CYP4V2: variants seen among roughly 807,000 people sequenced by gnomAD.
CYP4V2 encodes the protein cytochrome P450 family 4 subfamily V member 2, also known as cytochrome P450 4V2.
Under a neutral mutation model 60.8 loss-of-function variants are expected in CYP4V2, and 55 were observed. The ratio of observed to expected loss-of-function variants is 0.90; its 90% CI spans 0.73 to 1.13. The LOEUF (loss-of-function observed/expected upper bound fraction) is 1.13, where lower values mean the gene tolerates loss of function less well. CYP4V2 is among the 50% of genes most tolerant of loss of function. The probability of loss-of-function intolerance (pLI) is 0.00; values close to 1 mark genes in which losing one functional copy is unlikely to be tolerated. For missense variants in CYP4V2, 675 were observed against 662.9 expected (o/e 1.02, Z -0.20); for synonymous variants, 239 against 236.8 (o/e 1.01, Z -0.08).
intron 8 of CYP4V2, 137 bp downstream of exon 8, chr4:186,205,439 T>A: frequency 2.3e-6 from 2 of 882,086 alleles, no homozygotes; most frequent in Admixed American, 3.8e-5. Flanking sequence ...TTGCAAGGCC[T>A]CGTCCATTCA....
intron 7 of CYP4V2, 115 bp downstream of exon 7, chr4:186,201,457 C>A: frequency 3.3e-6 from 4 of 1,196,102 alleles, no homozygotes; most frequent in Non-Finnish European, 4.6e-6. Flanking sequence ...AAAGAAGATT[C>A]ATTATATTTT....
At chr4:186,200,604 G>C (rs1274790381) in intron 6 of CYP4V2, among the ~76,000 whole-genome samples, 28 of 152,302 alleles carry the variant, frequency 1.8e-4, no homozygotes, top group African/African-American at 6.7e-4. Flanking sequence ...AGGGACAGGG[G>C]TAGCAGGGAT....
In CYP4V2 at chr4:186,195,880, G is replaced by A. The variant is rs889010164; in HGVS notation, c.328-123G>A. ...TTGAGGCACAGGACTGAAAATGAAC[G>A]ACGGAGAAAATAAATGTTGTGAATG... On this transcript the variant is annotated intron_variant, in intron 2 of 10. Transcript: ENST00000378802. The surrounding 1 kb of genome is among the most constrained non-coding windows in gnomAD (Gnocchi z 4.1). 14 of 730,690 alleles carry A rather than the reference G, an allele frequency of 1.9e-5. No individual in the cohort carries two copies. Among genetic ancestry groups the A allele is most frequent in the East Asian group, 8.2e-5 (3 of 36,798 alleles). 45.3% of individuals were successfully genotyped at this position (730,690 alleles called of 1,614,324 possible). A position where few individuals can be genotyped will look rare whatever the true frequency, so the allele number is the denominator to read the frequency against.
chr4:186,205,006 AG>A (rs1223725463), intron 7 of CYP4V2, 193 bp from the exon 8 acceptor site: 20 of 645,422 alleles, frequency 3.1e-5, no homozygotes, highest in Non-Finnish European at 3.6e-5. Flanking sequence ...TGCCATCTCT[AG>A]GCATGAACCT....
intron 5 of CYP4V2, among the ~76,000 whole-genome samples, chr4:186,197,931 T>C (rs1044032573): frequency 1.3e-5 from 2 of 152,356 alleles, no homozygotes; most frequent in East Asian, 1.9e-4. Flanking sequence ...AAATTATTCA[T>C]AGAAAAAAAC....
chr4:186,207,485 T>A (rs1036090671), intron 8 of CYP4V2, among the ~76,000 whole-genome samples: 1 of 147,536 alleles, frequency 6.8e-6, no homozygotes, highest in African/African-American at 2.5e-5. Context: ...GTTATTACTT[T>A]GCATTATTAA....
chr4:186,191,855 A>G lies in CYP4V2; in HGVS notation c.32A>G (p.Gln11Arg), dbSNP rs1469873504. The G allele has an allele frequency of 1.3e-6, 2 of 1,580,772 alleles. No homozygotes were observed. The highest frequency in any genetic ancestry group is 1.3e-5 in the African/African-American group (1 of 74,106). ...GGGCTCTGGCTGGGGCTCGTGTGGC[A>G]GAAGCTGCTGCTGTGGGGCGCGGCG... MAGLWLGLVW[Q>R]KLLLWGAASA... The change falls in exon 1 of 11, where the codon CAG becomes CGG. Residue 11 changes from glutamine (Q) to arginine (R), a missense_variant. Gln to Arg is a conservative substitution (Grantham distance 43). Coordinates refer to ENST00000378802, the MANE Select transcript of CYP4V2 (RefSeq NM_207352.4).
At position 186,210,979 on chromosome 4, in the gene CYP4V2, G is replaced by A. The variant is rs1736701099; in HGVS notation, c.*338G>A. 4.0e-6 allele frequency: 1 copy of A among 248,616 alleles called. No homozygotes were observed. 15.4% of individuals were successfully genotyped at this position (248,616 alleles called of 1,614,324 possible). A position where few individuals can be genotyped will look rare whatever the true frequency, so the allele number is the denominator to read the frequency against. Reference sequence around the variant, plus strand: ...AGCCTCCCAAGTAGCTGGGATTACAGGTGCCTGCCACCATGCCTGGCTAAT... The same window carrying A: ...AGCCTCCCAAGTAGCTGGGATTACAAGTGCCTGCCACCATGCCTGGCTAAT... On this transcript the variant is annotated 3_prime_UTR_variant, in exon 11 of 11. Coordinates refer to ENST00000378802, the MANE Select transcript of CYP4V2 (RefSeq NM_207352.4).
intron 8 of CYP4V2, among the ~76,000 whole-genome samples, chr4:186,206,657 T>A (rs1053422782): frequency 6.6e-6 from 1 of 152,128 alleles, no homozygotes; most frequent in African/African-American, 2.4e-5. Context: ...TGGAAAGGTT[T>A]CTGGCATGGA....
intron 7 of CYP4V2, chr4:186,202,333 G>A (rs764066552): frequency 1.3e-5 from 2 of 152,184 alleles, no homozygotes; most frequent in Non-Finnish European, 2.9e-5. Flanking sequence ...GGTGTTAAGT[G>A]TGTGGGCTCT....
Position 186,210,953 on chromosome 4 carries a change from C to T in CYP4V2, c.*312C>T, listed in dbSNP as rs1736700397. The T allele has an allele frequency of 7.4e-6, 2 of 270,534 alleles. No individual in the cohort carries two copies. The highest frequency in any genetic ancestry group is 8.2e-5 in the South Asian group (2 of 24,498). The allele number at this position is 270,534 out of a possible 1,614,324, so 16.8% of individuals were successfully genotyped here. ...CCAGGTTCAAGCAATTCTTCTGCCTCAGCCTCCCAAGTAGCTGGGATTACA... is the reference window on the plus strand; with the variant it reads ...CCAGGTTCAAGCAATTCTTCTGCCTTAGCCTCCCAAGTAGCTGGGATTACA... On this transcript the variant is annotated 3_prime_UTR_variant, in exon 11 of 11. Transcript: ENST00000378802.
At chr4:186,205,580 G>C (rs926695485) in intron 8 of CYP4V2, among the ~76,000 whole-genome samples, 1 of 152,208 alleles carries the variant, frequency 6.6e-6, no homozygotes, top group Non-Finnish European at 1.5e-5. Context: ...GTCATGGGTC[G>C]TGCATTTGAG....
chr4:186,204,431 A>G (rs899278937), intron 7 of CYP4V2: 1 of 61,460 alleles, frequency 1.6e-5, no homozygotes, highest in African/African-American at 3.1e-4. Context: ...CTGGCGTAAG[A>G]GGTGGAGGTG....
intron 1 of CYP4V2, among the ~76,000 whole-genome samples, chr4:186,192,573 G>A (rs768406550): frequency 2.6e-5 from 4 of 152,222 alleles, no homozygotes; most frequent in African/African-American, 4.8e-5. Flanking sequence ...TAACAATTAA[G>A]AGACGGCAGG....
chr4:186,191,913 C>T lies in CYP4V2; in HGVS notation c.90C>T (p.Val30=). 6.3e-7 allele frequency: 1 copy of T among 1,594,144 alleles called. No homozygotes were observed. The part of the protein sequence containing the change: ...SALSLAGASL[V]LSLLQRVASY... ...TTTCCCTGGCCGGCGCCAGTCTGGT[C>T]CTGAGCCTGCTGCAGAGGGTGGCGA... Residue 30 remains valine (V), a synonymous_variant, in exon 1 of 11, where the codon GTC becomes GTT. Transcript: ENST00000378802.
At position 186,207,527 on chromosome 4, in the gene CYP4V2, TA is replaced by T. The variant is rs756885512; in HGVS notation, c.1091-1333del. 1.7e-4 allele frequency among the ~76,000 whole-genome samples: 25 copies of T among 147,786 alleles called. No individual in the cohort carries two copies. In the East Asian group the frequency reaches 2.9e-3, roughly 17 times the overall value. ...ATTAATTATTAAATTATATTTATAT[TA>T]AAAATTATATAATATATAAAATATA... On this transcript the variant is annotated intron_variant, in intron 8 of 10. Transcript: ENST00000378802.
intron 5 of CYP4V2, among the ~76,000 whole-genome samples, chr4:186,197,826 A>G (rs1351157427): frequency 6.6e-6 from 1 of 152,224 alleles, no homozygotes; most frequent in African/African-American, 2.4e-5. Flanking sequence ...TAACATTGAG[A>G]TTACATTATA....
rs1182688885 is a variant in CYP4V2, at chr4:186,211,862, A to G, written c.*1221A>G. On this transcript the variant is annotated 3_prime_UTR_variant, in exon 11 of 11. Transcript: ENST00000378802. The stretch of plus-strand genomic sequence containing the variant: ...TTTAAGTTGATTAGTAGGTTCTGTT[A>G]CAGTTTTTCTTTTGATCGTGCACTT... The G allele has an allele frequency of 2.0e-5, 3 of 152,156 alleles. No individual in the cohort carries two copies. Among genetic ancestry groups the G allele is most frequent in the Admixed American group, 6.5e-5 (1 of 15,286 alleles). 9.4% of individuals were successfully genotyped at this position (152,156 alleles called of 1,614,324 possible).
At chr4:186,210,084 G>A (rs1736657616) in intron 10 of CYP4V2, among the ~76,000 whole-genome samples, 1 of 152,150 alleles carries the variant, frequency 6.6e-6, no homozygotes, top group Admixed American at 6.5e-5. Context: ...CTAGCATTTT[G>A]TCATTTATGT....
Sources: gnomAD v4.1 joint callset for allele counts (sites outside exome capture counted in the v4.1 genomes callset) on GRCh38, gnomAD v4.1.1 for gene constraint, Gnocchi (gnomAD v3.1) non-coding constraint, MANE v1.5 for transcripts, NCBI Gene and HGNC (gene_info 2026-07-23, HGNC 2026-07-21) for gene names.